The following TSNARE1 variants were observed in gnomAD, a reference collection of about 807,000 sequenced individuals.
TSNARE1 encodes t-SNARE domain-containing protein 1.
Under a neutral mutation model 62.0 loss-of-function variants are expected in TSNARE1, and 49 were observed. The ratio of observed to expected loss-of-function variants is 0.79; its 90% CI spans 0.63 to 1.00. The LOEUF (loss-of-function observed/expected upper bound fraction) is 1.00. Ranked by LOEUF, TSNARE1 falls within the 50% of genes least tolerant of loss-of-function variation. The pLI is 0.00. For synonymous variants in TSNARE1, 328 were observed against 294.4 expected, an observed-to-expected ratio of 1.11 and a Z score of -1.17; for missense variants, 755 against 700.1, an observed-to-expected ratio of 1.08 and a Z score of -0.88.
At position 142,345,801 on chromosome 8, in the gene TSNARE1, G is replaced by A. The variant is rs140818832; in HGVS notation, c.180C>T (p.Asp60=). 4.4e-5 allele frequency: 71 copies of A among 1,613,792 alleles called. No individual in the cohort carries two copies. Among genetic ancestry groups the A allele is most frequent in the African/African-American group, 3.7e-4 (28 of 75,008 alleles). ...CTGCTGGCCCCAGATCACCTTCCCCGTCCTTCCCCACACAGCGGTTCTGCA... is the reference window on the plus strand; with the variant it reads ...CTGCTGGCCCCAGATCACCTTCCCCATCCTTCCCCACACAGCGGTTCTGCA... ...SKLQNRCVGK[D]GEGDLGPAGT... Residue 60 remains aspartate (D), a synonymous_variant, in exon 3 of 14, where the codon GAC becomes GAT. Transcript: ENST00000524325.
chr8:142,303,645 C>T (rs993522276), intron 9 of TSNARE1, among the ~76,000 whole-genome samples: 16 of 152,202 alleles, frequency 1.1e-4, no homozygotes, highest in African/African-American at 3.4e-4. Flanking sequence ...GGCTGGACAC[C>T]GAACCAGTGG....
chr8:142,221,808 TCCACTCACTCATTCAC>T (rs1816252909), intron 13 of TSNARE1, among the ~76,000 whole-genome samples: 1 of 117,618 alleles, frequency 8.5e-6, no homozygotes, highest in African/African-American at 3.4e-5. Context: ...CACTCACTCA[TCCACTCACTCATTCAC>T]TCACTCACTC....
intron 1 of TSNARE1, among the ~76,000 whole-genome samples, chr8:142,375,702 G>A (rs1034222914): frequency 1.3e-5 from 2 of 152,212 alleles, no homozygotes; most frequent in African/African-American, 2.4e-5. Flanking sequence ...TCCTGCCTGT[G>A]ATGCCACCAG....
At chr8:142,269,540 G>A in intron 12 of TSNARE1, 1 of 983,960 alleles carries the variant, frequency 1.0e-6, no homozygotes, top group African/African-American at 1.7e-5. Context: ...TGCTGTCCAG[G>A]CTGGTCTCGA....
chr8:142,231,004 T>C (rs1817089221), intron 12 of TSNARE1, among the ~76,000 whole-genome samples: 1 of 150,634 alleles, frequency 6.6e-6, no homozygotes, highest in Admixed American at 6.6e-5. Context: ...TCCATCCATC[T>C]ACCCACCTCT....
intron 1 of TSNARE1, among the ~76,000 whole-genome samples, chr8:142,370,102 T>C (rs575057649): frequency 2.2e-4 from 33 of 152,300 alleles, no homozygotes; most frequent in African/African-American, 7.2e-4. Flanking sequence ...AGGACACAGA[T>C]AGAAGGCCCC....
intron 10 of TSNARE1, among the ~76,000 whole-genome samples, chr8:142,295,536 C>T (rs1195085214): frequency 3.9e-5 from 6 of 152,226 alleles, no homozygotes; most frequent in Admixed American, 6.5e-5. Flanking sequence ...AGGCCAAAGA[C>T]GGCTGCCCTG....
rs1002627243 is a variant in TSNARE1, at chr8:142,331,122, G to A, written c.824-152C>T. 5.6e-5 allele frequency: 37 copies of A among 656,696 alleles called. No individual in the cohort carries two copies. The African/African-American group carries it at 6.5e-4, about 11-fold the overall frequency. 40.7% of individuals were successfully genotyped at this position (656,696 alleles called of 1,614,324 possible). ...GGCAGACCACCTAAGTGGCCTGGAG[G>A]CCAGGGTCCACACTGCCTCAGCATA... is the stretch of plus-strand genomic sequence containing the variant. On this transcript the variant is annotated intron_variant, in intron 5 of 13. Coordinates refer to ENST00000524325, the MANE Select transcript of TSNARE1 (RefSeq NM_145003.5).
chr8:142,222,223 C>A (rs1260848665), intron 13 of TSNARE1, among the ~76,000 whole-genome samples: 1 of 29,324 alleles, frequency 3.4e-5, no homozygotes, highest in East Asian at 8.5e-4. Flanking sequence ...CTCATTCACT[C>A]ACTCATCCAC....
intron 6 of TSNARE1, among the ~76,000 whole-genome samples, chr8:142,324,434 A>T (rs1277299711): frequency 6.6e-6 from 1 of 152,154 alleles, no homozygotes; most frequent in Admixed American, 6.5e-5. Context: ...CAGTCAGGTG[A>T]CTGAGGAGTC....
chr8:142,395,500 G>C (rs904147272), intron 1 of TSNARE1, among the ~76,000 whole-genome samples: 2 of 152,192 alleles, frequency 1.3e-5, no homozygotes, highest in African/African-American at 4.8e-5. Flanking sequence ...TTTCCCAGGG[G>C]CTGGAAAGCC....
chr8:142,317,819 A>G (rs907462700), intron 7 of TSNARE1, among the ~76,000 whole-genome samples: 9 of 152,178 alleles, frequency 5.9e-5, no homozygotes, highest in Admixed American at 1.3e-4. Context: ...TTAGCTGGGC[A>G]TGGTGACGGG....
chr8:142,222,743 CTCACTCAT>C (rs1816437791), intron 13 of TSNARE1, among the ~76,000 whole-genome samples: 1 of 83,692 alleles, frequency 1.2e-5, no homozygotes, highest in African/African-American at 6.2e-5. Context: ...CACTCACTCA[CTCACTCAT>C]CCACTCACTC....
At chr8:142,337,232 A>G (rs1007466081) in intron 4 of TSNARE1, among the ~76,000 whole-genome samples, 2 of 152,222 alleles carry the variant, frequency 1.3e-5, no homozygotes, top group African/African-American at 4.8e-5. Flanking sequence ...GAGATGATAA[A>G]ATTATTCAGA....
At chr8:142,339,443 C>T (rs747633400) in intron 4 of TSNARE1, among the ~76,000 whole-genome samples, 8 of 151,886 alleles carry the variant, frequency 5.3e-5, no homozygotes, top group Non-Finnish European at 1.0e-4. Context: ...GAAGCCAGGG[C>T]GGGCAGGCAG....
intron 1 of TSNARE1, among the ~76,000 whole-genome samples, chr8:142,379,116 A>G (rs1173623178): frequency 6.6e-6 from 1 of 152,228 alleles, no homozygotes; most frequent in Non-Finnish European, 1.5e-5. Context: ...CACGGATCAG[A>G]GCAGCTCACA....
chr8:142,285,202 G>A (rs1443005516), intron 10 of TSNARE1, among the ~76,000 whole-genome samples: 3 of 149,920 alleles, frequency 2.0e-5, no homozygotes, highest in South Asian at 2.2e-4. Flanking sequence ...GTGGATGGGC[G>A]AGTGGATGGA....
intron 1 of TSNARE1, among the ~76,000 whole-genome samples, chr8:142,385,103 G>A (rs1837024071): frequency 6.6e-6 from 1 of 152,020 alleles, no homozygotes; most frequent in Non-Finnish European, 1.5e-5. Context: ...GAGAAAGGAA[G>A]GAAGAGAGGG....
At position 142,227,156 on chromosome 8, in the gene TSNARE1, C is replaced by G. The variant is rs530581267; in HGVS notation, c.*11+2317G>C. 1.4e-4 allele frequency among the ~76,000 whole-genome samples: 21 copies of G among 150,594 alleles called. No homozygotes were observed. In the East Asian group the frequency reaches 3.4e-3, roughly 24 times the overall value. ...ACTGCACCCACACCCCAGTGACAGC[C>G]AGGACCTCCACTGTGCCCACACCCC... On this transcript the variant is annotated intron_variant, in intron 13 of 13. Coordinates refer to ENST00000524325, the MANE Select transcript of TSNARE1 (RefSeq NM_145003.5).
Sources: allele counts gnomAD v4.1 joint callset (sites outside exome capture counted in the v4.1 genomes callset), GRCh38; gene constraint gnomAD v4.1.1; transcripts MANE v1.5; gene names NCBI Gene and HGNC (gene_info 2026-07-23, HGNC 2026-07-21).